The following PROC variants were observed in gnomAD, a reference collection of about 807,000 sequenced individuals.
PROC encodes the protein vitamin K-dependent protein C.
A neutral mutation model predicts 36.3 loss-of-function variants in PROC; 22 were observed. The ratio of observed to expected loss-of-function variants is 0.61; its 90% CI spans 0.43 to 0.86. The LOEUF (loss-of-function observed/expected upper bound fraction) is 0.86. PROC is among the 40% of genes least tolerant of loss of function. The pLI, the probability that PROC is intolerant of heterozygous loss-of-function variation, is 0.00. For missense variants in PROC, 526 were observed against 629.7 expected (o/e 0.84, Z 1.76); for synonymous variants, 218 against 244.5 (o/e 0.89, Z 1.01).
chr2:127,428,278 GCAGTGGGTGGGCCT>G, intron 8 of PROC, 65 bp from the exon 9 acceptor site: 2 of 1,374,558 alleles, frequency 1.5e-6, no homozygotes, highest in African/African-American at 2.9e-5. Flanking sequence ...CAGGGGCACA[GCAGTGGGTGGGCCT>G]CAGGAAAGTG....
At chr2:127,421,218 C>T (rs2104944014) in intron 2 of PROC, 65 bp from the exon 3 acceptor site, 2 of 1,554,346 alleles carry the variant, frequency 1.3e-6, no homozygotes. Context: ...CCTCAGACCC[C>T]CTCATGGCCC....
intron 6 of PROC, among the ~76,000 whole-genome samples, chr2:127,425,792 G>T (rs1301841449): frequency 3.9e-5 from 6 of 152,084 alleles, no homozygotes; most frequent in Non-Finnish European, 8.8e-5. Flanking sequence ...CAGCCCTGGG[G>T]TACAATGAGC....
intron 3 of PROC, 66 bp downstream of exon 3, chr2:127,421,515 G>T: frequency 6.3e-7 from 1 of 1,578,660 alleles, no homozygotes; most frequent in Non-Finnish European, 8.7e-7. Context: ...GGGGCCTCGA[G>T]GAGCAGGTGG....
In PROC at chr2:127,429,236, C is replaced by T. The variant is rs527994566; in HGVS notation, c.*290C>T. 7.5e-6 allele frequency: 3 copies of T among 400,446 alleles called. No individual in the cohort carries two copies. The highest frequency in any genetic ancestry group is 6.1e-5 in the African/African-American group (3 of 49,326). 24.8% of individuals were successfully genotyped at this position (400,446 alleles called of 1,614,324 possible). On this transcript the variant is annotated 3_prime_UTR_variant, in exon 9 of 9. Coordinates refer to ENST00000234071, the MANE Select transcript of PROC (RefSeq NM_000312.4). ...TTATGAAAAAGAATAAAAAACACAA[C>T]CACGAAGCCACTAGAGCCTTTTCCA...
At position 127,419,908 on chromosome 2, in the gene PROC, GA is replaced by G; in HGVS notation, c.-21-12del. On this transcript the variant is annotated splice_polypyrimidine_tract_variant and intron_variant, in intron 1 of 8. Transcript: ENST00000234071. ...GGGGGTAGGCACTGCCCGGAGCTCA[GA>G]AGTCCTCCTCAGACAGGTGCCAGTG... The G allele has an allele frequency of 6.2e-7, 1 of 1,613,888 alleles. No individual in the cohort carries two copies. Among genetic ancestry groups the G allele is most frequent in the Non-Finnish European group, 8.5e-7 (1 of 1,179,970 alleles).
intron 7 of PROC, 52 bp from the exon 8 acceptor site, chr2:127,427,053 T>C: frequency 6.7e-7 from 1 of 1,489,470 alleles, no homozygotes; most frequent in South Asian, 1.1e-5. Context: ...TGCCCTGGAC[T>C]GGAGGCTGTC....
At chr2:127,428,305 A>G in intron 8 of PROC, 52 bp from the exon 9 acceptor site, 1 of 1,568,082 alleles carries the variant, frequency 6.4e-7, no homozygotes, top group Non-Finnish European at 8.7e-7. Context: ...GGAAAGTGCC[A>G]CTGGGGAGAG....
chr2:127,428,879 G>A lies in PROC; in HGVS notation c.1319G>A (p.Arg440His), dbSNP rs777348309. The change falls in exon 9 of 9, where the codon CGC becomes CAC. Residue 440 changes from arginine (R) to histidine (H), a missense_variant. Transcript: ENST00000234071. ...HNYGVYTKVS[R>H]YLDWIHGHIR... ...TACGGCGTTTACACCAAAGTCAGCC[G>A]CTACCTCGACTGGATCCATGGGCAC... is the stretch of plus-strand genomic sequence containing the variant. 15 of 1,613,764 alleles carry A rather than the reference G, an allele frequency of 9.3e-6. No homozygotes were observed. Among genetic ancestry groups the A allele is most frequent in the Admixed American group, 3.3e-5 (2 of 59,998 alleles).
chr2:127,428,828 G>A lies in PROC; in HGVS notation c.1268G>A (p.Gly423Asp). 1 of 1,612,598 alleles carries A rather than the reference G, an allele frequency of 6.2e-7. No individual in the cohort carries two copies. Among genetic ancestry groups the A allele is most frequent in the Non-Finnish European group, 8.5e-7 (1 of 1,179,180 alleles). Residue 423 changes from glycine to aspartate, a missense_variant, in exon 9 of 9, where the codon GGT becomes GAT. Physicochemically the swap from Gly to Asp is moderately conservative, Grantham distance 94. Coordinates refer to ENST00000234071, the MANE Select transcript of PROC (RefSeq NM_000312.4). ...TWFLVGLVSW[G>D]EGCGLLHNYG... ...TTCCTGGTGGGCCTGGTGAGCTGGG[G>A]TGAGGGCTGTGGGCTCCTTCACAAC...
chr2:127,428,750 C>T lies in PROC; in HGVS notation c.1190C>T (p.Ala397Val), dbSNP rs1174335506. The change falls in exon 9 of 9, where the codon GCC (alanine) becomes GTC (valine). Residue 397 changes from alanine to valine, a missense_variant. By Grantham distance (64) the Ala-to-Val change is moderately conservative. Transcript: ENST00000234071. The part of the protein sequence containing the change: ...CAGILGDRQD[A>V]CEGDSGGPMV... The stretch of plus-strand genomic sequence containing the variant: ...GGCATCCTCGGGGACCGGCAGGATG[C>T]CTGCGAGGGCGACAGTGGGGGGCCC... The T allele has an allele frequency of 6.2e-7, 1 of 1,613,286 alleles. No homozygotes were observed. The highest frequency in any genetic ancestry group is 1.3e-5 in the African/African-American group (1 of 75,074).
At position 127,421,427 on chromosome 2, in the gene PROC, T is replaced by C; in HGVS notation, c.215T>C (p.Ile72Thr). Residue 72 changes from isoleucine (I) to threonine (T), a missense_variant, in exon 3 of 9, where the codon ATT (isoleucine) becomes ACT (threonine). By Grantham distance (89) the Ile-to-Thr change is moderately conservative (BLOSUM62 -1). Transcript: ENST00000234071. Reference protein sequence around the residue: ...EICDFEEAKEIFQNVDDTLAF... With the variant: ...EICDFEEAKETFQNVDDTLAF... ...TGTGACTTCGAGGAGGCCAAGGAAA[T>C]TTTCCAAAATGTGGATGACACAGTA... is the stretch of plus-strand genomic sequence containing the variant. 6.2e-7 allele frequency: 1 copy of C among 1,613,838 alleles called. No homozygotes were observed. Among genetic ancestry groups the C allele is most frequent in the Non-Finnish European group, 8.5e-7 (1 of 1,179,952 alleles).
chr2:127,422,982 G>A, intron 4 of PROC, 41 bp downstream of exon 4: 4 of 1,612,184 alleles, frequency 2.5e-6, no homozygotes, highest in South Asian at 1.1e-5. Flanking sequence ...ACCGGCGCCC[G>A]CGCCCCTCGG....
In PROC at chr2:127,423,094, ACG is replaced by A; in HGVS notation, c.324_325del (p.His108GlnfsTer53). On this transcript the variant is annotated frameshift_variant, in exon 5 of 9. Transcript: ENST00000234071. LOFTEE classifies it high-confidence loss of function. ...CCGTGCGCCAGCCTGTGCTGCGGGC[ACG>A]GCACGTGCATCGACGGCATCGGCAG... is the stretch of plus-strand genomic sequence containing the variant. The A allele has an allele frequency of 6.2e-7, 1 of 1,611,264 alleles. No homozygotes were observed. Among genetic ancestry groups the A allele is most frequent in the Non-Finnish European group, 8.5e-7 (1 of 1,179,110 alleles).
chr2:127,423,442 C>T (rs945845998), intron 6 of PROC, 34 bp downstream of exon 6: 2 of 1,542,946 alleles, frequency 1.3e-6, no homozygotes, highest in East Asian at 2.5e-5. Context: ...CCAGGAATCA[C>T]GCTGGGTGCA....
rs1198418183 is a variant in PROC at position 127,418,879 on chromosome 2, G to A, written c.-22+387G>A. Among the ~76,000 whole-genome samples, 10 of 152,214 alleles carry A rather than the reference G, an allele frequency of 6.6e-5. No individual in the cohort carries two copies. Among genetic ancestry groups the A allele is most frequent in the Admixed American group, 5.2e-4 (8 of 15,288 alleles). ...TCCGGTAGGGTGTGCAGAGGGCCAC[G>A]TGGCCTATCCACTGGGGAGGGTTCC... On this transcript the variant is annotated intron_variant, in intron 1 of 8. Coordinates refer to ENST00000234071, the MANE Select transcript of PROC (RefSeq NM_000312.4). The surrounding 1 kb of genome is among the most constrained non-coding windows in gnomAD (Gnocchi z 4.8).
rs763603757 is a variant in PROC at position 127,428,627 on chromosome 2, G to T, written c.1067G>T (p.Arg356Leu). ...CGAGAGAAGGAGGCCAAGAGAAACCGCACCTTCGTCCTCAACTTCATCAAG... is the reference window on the plus strand; with the variant it reads ...CGAGAGAAGGAGGCCAAGAGAAACCTCACCTTCGTCCTCAACTTCATCAAG... ...SSREKEAKRNRTFVLNFIKIP... is the reference protein window; with the variant it reads ...SSREKEAKRNLTFVLNFIKIP... Residue 356 changes from arginine to leucine, a missense_variant, in exon 9 of 9, where the codon CGC becomes CTC. Coordinates refer to ENST00000234071, the MANE Select transcript of PROC (RefSeq NM_000312.4). 5.6e-6 allele frequency: 9 copies of T among 1,613,958 alleles called. No homozygotes were observed. Among genetic ancestry groups the T allele is most frequent in the Non-Finnish European group, 7.6e-6 (9 of 1,180,052 alleles).
chr2:127,423,507 G>T, intron 6 of PROC, 99 bp downstream of exon 6: 1 of 1,452,108 alleles, frequency 6.9e-7, no homozygotes. Context: ...AGGGTTTCTA[G>T]GGAGGGAGCG....
Position 127,428,521 on chromosome 2 carries a change from C to T in PROC, c.961C>T (p.Pro321Ser). Residue 321 changes from proline to serine, a missense_variant, in exon 9 of 9, where the codon CCG (proline) becomes TCG (serine). By Grantham distance (74) the Pro-to-Ser change is moderately conservative. Transcript: ENST00000234071. The part of the protein sequence containing the change: ...LSQTIVPICL[P>S]DSGLAERELN... ...GCAGACCATAGTGCCCATCTGCCTC[C>T]CGGACAGCGGCCTTGCAGAGCGCGA... 2 of 1,614,024 alleles carry T rather than the reference C, an allele frequency of 1.2e-6. No individual in the cohort carries two copies.
intron 6 of PROC, among the ~76,000 whole-genome samples, chr2:127,425,789 G>A (rs921367481): frequency 6.6e-6 from 1 of 152,082 alleles, no homozygotes; most frequent in African/African-American, 2.4e-5. Context: ...CAACAGCCCT[G>A]GGGTACAATG....
Sources: allele counts gnomAD v4.1 joint callset (sites outside exome capture counted in the v4.1 genomes callset), GRCh38; gene constraint gnomAD v4.1.1; non-coding constraint Gnocchi (gnomAD v3.1); transcripts MANE v1.5; gene names NCBI Gene and HGNC (gene_info 2026-07-23, HGNC 2026-07-21).